Variants in SPATC1 observed in about 807,000 individuals in gnomAD.
SPATC1 encodes the protein speriolin.
In SPATC1, 35 loss-of-function variants were observed where a neutral mutation model predicts 36.5. The observed-to-expected ratio is 0.96, with a 90% CI of 0.73 to 1.27. The LOEUF is 1.27. SPATC1 is among the 50% of genes most tolerant of loss of function. The pLI, the probability that SPATC1 is intolerant of heterozygous loss-of-function variation, is 0.00. For missense variants in SPATC1, 779 were observed against 796.0 expected, an observed-to-expected ratio of 0.98 and a Z score of 0.26; for synonymous variants, 361 against 353.6, an observed-to-expected ratio of 1.02 and a Z score of -0.24.
chr8:144,022,553 C>A (rs1244398437), intron 1 of SPATC1, among the ~76,000 whole-genome samples: 1 of 56,786 alleles, frequency 1.8e-5, no homozygotes, highest in Non-Finnish European at 3.7e-5. Flanking sequence ...AAAACCCTTC[C>A]CCCTCAGGAC....
intron 1 of SPATC1, among the ~76,000 whole-genome samples, chr8:144,025,622 G>A (rs1834661845): frequency 6.6e-6 from 1 of 152,112 alleles, no homozygotes; most frequent in Non-Finnish European, 1.5e-5. Context: ...GCTAACAGTG[G>A]GTGTCTGTTA....
At position 144,040,641 on chromosome 8, in the gene SPATC1, C is replaced by T; in HGVS notation, c.840C>T (p.Pro280=). Residue 280 remains proline, a synonymous_variant, in exon 3 of 5, where the codon CCC becomes CCT. Transcript: ENST00000377470. ...EPLSMAFAGA[P]LQTSTPIGAM... ...TCAGCATGGCGTTTGCAGGAGCACC[C>T]CTCCAGACCTCCACCCCTATCGGAG... 6.2e-7 allele frequency: 1 copy of T among 1,613,476 alleles called. No homozygotes were observed. The highest frequency in any genetic ancestry group is 8.5e-7 in the Non-Finnish European group (1 of 1,179,742).
intron 1 of SPATC1, among the ~76,000 whole-genome samples, chr8:144,029,183 T>C (rs1347425029): frequency 9.1e-6 from 1 of 110,348 alleles, no homozygotes; most frequent in Non-Finnish European, 1.7e-5. Flanking sequence ...CTGCACATCC[T>C]ACACATGTAC....
In SPATC1 at chr8:144,042,064, C is replaced by T. The variant is rs956545990; in HGVS notation, c.1446+693C>T. 12 of 946,856 alleles carry T rather than the reference C, an allele frequency of 1.3e-5. No homozygotes were observed. The African/African-American group carries it at 2.0e-4, about 15-fold the overall frequency. The allele number at this position is 946,856 out of a possible 1,614,324, so 58.7% of individuals were successfully genotyped here. On this transcript the variant is annotated intron_variant, in intron 4 of 4. Coordinates refer to ENST00000377470, the MANE Select transcript of SPATC1 (RefSeq NM_198572.3). ...CCAGCCTGGGCAACAAACCAAGACT[C>T]CACCTGAAAAAGAAAAAGAGTACAC...
At chr8:144,023,975 T>C (rs1198266015) in intron 1 of SPATC1, among the ~76,000 whole-genome samples, 9 of 9,914 alleles carry the variant, frequency 9.1e-4, no homozygotes, top group South Asian at 2.9e-3. Context: ...ACCTTCTACC[T>C]TAAGGACCCT....
At chr8:144,043,550 A>AT (rs1278255531) in intron 4 of SPATC1, among the ~76,000 whole-genome samples, 1 of 151,580 alleles carries the variant, frequency 6.6e-6, no homozygotes, top group Non-Finnish European at 1.5e-5. Context: ...CCAGCTTTAA[A>AT]TTTTTTATAG....
intron 1 of SPATC1, among the ~76,000 whole-genome samples, chr8:144,020,021 C>T (rs1045049427): frequency 9.8e-4 from 149 of 152,002 alleles, no homozygotes; most frequent in South Asian, 2.9e-3. Flanking sequence ...TTCCCTCACA[C>T]GAGAACCTGC....
rs964373551 is a variant in SPATC1, at chr8:144,041,037, G to A, written c.1236G>A (p.Thr412=). The change falls in exon 3 of 5, where the codon ACG becomes ACA. Residue 412 remains threonine (T), a synonymous_variant. Coordinates refer to ENST00000377470, the MANE Select transcript of SPATC1 (RefSeq NM_198572.3). ...GTCCACGCACCACAGAACCGTCGAC[G>A]AAGAGCATGATGGAGGTGGAACGGA... ...SRGPRTTEPS[T]KSMMEVERKL... 1.1e-5 allele frequency: 17 copies of A among 1,610,066 alleles called. No homozygotes were observed. The highest frequency in any genetic ancestry group is 3.3e-5 in the South Asian group (3 of 90,670).
At chr8:144,022,627 C>CTTT (rs2133110282) in intron 1 of SPATC1, among the ~76,000 whole-genome samples, 1 of 148,840 alleles carries the variant, frequency 6.7e-6, no homozygotes. Context: ...CCCCTCAAGA[C>CTTT]CCTCCCACTT....
chr8:144,037,147 G>C (rs1554754907), intron 1 of SPATC1, among the ~76,000 whole-genome samples: 1 of 125,592 alleles, frequency 8.0e-6, no homozygotes, highest in African/African-American at 3.2e-5. Flanking sequence ...AGGGAGGTGG[G>C]GGGGTCAGCC....
At chr8:144,041,677 T>C (rs1224580700) in intron 4 of SPATC1, among the ~76,000 whole-genome samples, 1 of 152,156 alleles carries the variant, frequency 6.6e-6, no homozygotes, top group African/African-American at 2.4e-5. Flanking sequence ...TGCCGGAGTG[T>C]GCGTCTGTGC....
chr8:144,041,502 C>G, intron 4 of SPATC1, 131 bp downstream of exon 4: 1 of 1,195,402 alleles, frequency 8.4e-7, no homozygotes. Context: ...GCTGACTGCT[C>G]AGTGCCAACG....
chr8:144,012,663 A>G lies in SPATC1; in HGVS notation c.148A>G (p.Ile50Val). 6.4e-7 allele frequency: 1 copy of G among 1,551,724 alleles called. No homozygotes were observed. The highest frequency in any genetic ancestry group is 8.7e-7 in the Non-Finnish European group (1 of 1,146,998). Residue 50 changes from isoleucine (I) to valine (V), a missense_variant, in exon 1 of 5, where the codon ATC becomes GTC. Ile to Val is a conservative substitution (Grantham distance 29). Transcript: ENST00000377470. Reference sequence around the variant, plus strand: ...CAAGACTCAGGCAGGCGGGCTCGGCATCAGCGGGTTCACGAGTGGGCTTGG... The same window carrying G: ...CAAGACTCAGGCAGGCGGGCTCGGCGTCAGCGGGTTCACGAGTGGGCTTGG... ...AIKTQAGGLG[I>V]SGFTSGLGEA...
chr8:144,028,516 C>G (rs1438235658), intron 1 of SPATC1, among the ~76,000 whole-genome samples: 2 of 152,160 alleles, frequency 1.3e-5, no homozygotes, highest in Non-Finnish European at 2.9e-5. Flanking sequence ...CCATCTCACA[C>G]CAGTCACAAT....
intron 1 of SPATC1, among the ~76,000 whole-genome samples, chr8:144,020,683 G>C (rs1474799428): frequency 7.8e-3 from 21 of 2,688 alleles, no homozygotes; most frequent in African/African-American, 0.031. Flanking sequence ...CTCTCCCCTC[G>C]CACCCCTCTT....
Position 144,040,017 on chromosome 8 carries a change from G to A in SPATC1, c.320G>A (p.Ser107Asn), listed in dbSNP as rs781980042. 9 of 1,613,682 alleles carry A rather than the reference G, an allele frequency of 5.6e-6. No individual in the cohort carries two copies. The African/African-American group carries it at 1.2e-4, about 22-fold the overall frequency. ...GAGATGCTAACCAGCTTGCAGCCCA[G>A]CGCCACACCGGGCTCACTCATGAGC... Reference protein sequence around the residue: ...LAEMLTSLQPSATPGSLMSPL... With the variant: ...LAEMLTSLQPNATPGSLMSPL... Residue 107 changes from serine to asparagine, a missense_variant, in exon 2 of 5, where the codon AGC becomes AAC. Coordinates refer to ENST00000377470, the MANE Select transcript of SPATC1 (RefSeq NM_198572.3).
At chr8:144,013,963 A>C (rs1228816503) in intron 1 of SPATC1, among the ~76,000 whole-genome samples, 2 of 152,030 alleles carry the variant, frequency 1.3e-5, no homozygotes, top group African/African-American at 2.4e-5. Context: ...CTCAAAAACT[A>C]ATAATAGGCT....
At chr8:144,030,151 T>C (rs1834765514) in intron 1 of SPATC1, among the ~76,000 whole-genome samples, 1 of 152,242 alleles carries the variant, frequency 6.6e-6, no homozygotes, top group Non-Finnish European at 1.5e-5. Flanking sequence ...AATATCTTTT[T>C]TTACCCCTTC....
At chr8:144,041,204 C>G in intron 3 of SPATC1, 28 bp from the exon 4 acceptor site, 1 of 1,612,364 alleles carries the variant, frequency 6.2e-7, no homozygotes, top group Non-Finnish European at 8.5e-7. Flanking sequence ...ACCCTCTCAC[C>G]TGGGCTGACG....
Sources: gnomAD v4.1 joint callset for allele counts (sites outside exome capture counted in the v4.1 genomes callset) on GRCh38, gnomAD v4.1.1 for gene constraint, MANE v1.5 for transcripts, NCBI Gene and HGNC (gene_info 2026-07-23, HGNC 2026-07-21) for gene names.